The following SORCS1 variants were observed in gnomAD, a reference collection of about 807,000 sequenced individuals.
SORCS1 encodes the protein sortilin related VPS10 domain containing receptor 1.
A neutral mutation model predicts 146.1 loss-of-function variants in SORCS1; 60 were observed. The observed-to-expected ratio is 0.41, with a 90% confidence interval of 0.33 to 0.51. The LOEUF (loss-of-function observed/expected upper bound fraction) is 0.51. Among genes scored for constraint, SORCS1 ranks in the 20% least tolerant of loss-of-function variants. The pLI is 0.21. For missense variants in SORCS1, 1,352 were observed against 1,487.6 expected (o/e 0.91, Z 1.50); for synonymous variants, 637 against 584.0 (o/e 1.09, Z -1.31).
chr10:107,154,008 CTTTTTTT>C (rs71025579), intron 1 of SORCS1, among the ~76,000 whole-genome samples: 1 of 94,034 alleles, frequency 1.1e-5, no homozygotes, highest in African/African-American at 4.1e-5. Flanking sequence ...CTTTTCTTTT[CTTTTTTT>C]TTTTTTTTTT....
intron 10 of SORCS1, among the ~76,000 whole-genome samples, chr10:106,680,002 AC>A (rs1852317858): frequency 6.6e-6 from 1 of 152,218 alleles, no homozygotes; most frequent in Non-Finnish European, 1.5e-5. Context: ...TACAGAGCTT[AC>A]AATTTATATA....
At chr10:106,692,426 A>G (rs948341118) in intron 9 of SORCS1, among the ~76,000 whole-genome samples, 3 of 152,230 alleles carry the variant, frequency 2.0e-5, no homozygotes, top group Admixed American at 2.0e-4. Context: ...TACAACACCC[A>G]AGCCTCTGGT....
At chr10:106,959,655 G>T (rs1254524807) in intron 1 of SORCS1, among the ~76,000 whole-genome samples, 1 of 152,102 alleles carries the variant, frequency 6.6e-6, no homozygotes, top group Non-Finnish European at 1.5e-5. Flanking sequence ...ACTCAAAATG[G>T]GGCAAAATGA....
rs1554908001 is a variant in SORCS1, at chr10:106,994,086, A to AAAAAAAAAAAAAAAAAAAG, written c.559-37507_559-37506insCTTTTTTTTTTTTTTTTTT. Among the ~76,000 whole-genome samples, 14 of 134,996 alleles carry AAAAAAAAAAAAAAAAAAAG rather than the reference A, an allele frequency of 1.0e-4. 1 individual carries two copies. The highest frequency in any genetic ancestry group is 4.2e-4 in the African/African-American group (12 of 28,366). The allele number at this position is 134,996 out of a possible 152,430, so 88.6% of individuals were successfully genotyped here. A position where few individuals can be genotyped will look rare whatever the true frequency, so the allele number is the denominator to read the frequency against. On this transcript the variant is annotated intron_variant, in intron 1 of 25. Coordinates refer to ENST00000263054, the MANE Select transcript of SORCS1 (RefSeq NM_052918.5). ...CTCAAAAAAAAAAAAAAAAAAAAAA[A>AAAAAAAAAAAAAAAAAAAG]AGAAAATGAGAAGCAAACAAATTCA...
intron 1 of SORCS1, among the ~76,000 whole-genome samples, chr10:107,074,649 T>G (rs1313984997): frequency 2.0e-5 from 3 of 152,216 alleles, no homozygotes; most frequent in Non-Finnish European, 4.4e-5. Context: ...TGTACTATTT[T>G]CCATTCCTAA....
intron 5 of SORCS1, among the ~76,000 whole-genome samples, chr10:106,742,755 C>T (rs1054153837): frequency 2.0e-5 from 3 of 152,106 alleles, no homozygotes; most frequent in South Asian, 2.1e-4. Context: ...ACCCATGGCA[C>T]GAAGTATGGT....
At chr10:106,964,086 G>C (rs903967623) in intron 1 of SORCS1, among the ~76,000 whole-genome samples, 4 of 152,200 alleles carry the variant, frequency 2.6e-5, no homozygotes, top group East Asian at 1.9e-4. Flanking sequence ...GTACTGCAAG[G>C]AAAGGAACTG....
chr10:106,725,027 C>G (rs2135966891), intron 6 of SORCS1, among the ~76,000 whole-genome samples: 1 of 152,204 alleles, frequency 6.6e-6, no homozygotes, highest in African/African-American at 2.4e-5. Context: ...GTAATCCTAG[C>G]TACTGGGGAG....
chr10:106,613,948 C>T (rs1231319615), intron 21 of SORCS1, among the ~76,000 whole-genome samples: 1 of 152,124 alleles, frequency 6.6e-6, no homozygotes, highest in Non-Finnish European at 1.5e-5. Flanking sequence ...CCCGAGAGGC[C>T]TTTCCAACCA....
At chr10:106,970,905 A>AT (rs34657393) in intron 1 of SORCS1, among the ~76,000 whole-genome samples, 18,813 of 96,370 alleles carry the variant, frequency 0.2, 2,071 homozygotes, top group Non-Finnish European at 0.26. Context: ...TGCACAGCTA[A>AT]TTTTTTTTTT....
chr10:106,719,810 T>C (rs1855655053), intron 6 of SORCS1, among the ~76,000 whole-genome samples: 1 of 152,218 alleles, frequency 6.6e-6, no homozygotes, highest in African/African-American at 2.4e-5. Flanking sequence ...GCACAGTCCT[T>C]GTCTCAGATA....
chr10:106,621,380 T>C (rs1847733459), intron 19 of SORCS1, among the ~76,000 whole-genome samples: 1 of 151,898 alleles, frequency 6.6e-6, no homozygotes, highest in Non-Finnish European at 1.5e-5. Context: ...CCCATCTTTG[T>C]CCCATGAGGT....
intron 6 of SORCS1, among the ~76,000 whole-genome samples, chr10:106,717,953 G>C (rs1855497570): frequency 6.6e-6 from 1 of 152,262 alleles, no homozygotes; most frequent in Admixed American, 6.5e-5. Flanking sequence ...CTGTGGACTT[G>C]TTATTCTTTC....
intron 1 of SORCS1, among the ~76,000 whole-genome samples, chr10:107,122,442 G>T (rs183441021): frequency 1.6e-4 from 25 of 152,292 alleles, no homozygotes; most frequent in Admixed American, 1.6e-3. Flanking sequence ...ACCAGGAAAG[G>T]TAAGGAAGAA....
rs35691571 is a variant in SORCS1 at position 106,751,058 on chromosome 10, C to CAAAAAAAAAA, written c.959+10520_959+10529dup. Among the ~76,000 whole-genome samples the CAAAAAAAAAA allele has an allele frequency of 6.4e-3, 144 of 22,434 alleles. 40 individuals carry two copies. The highest frequency in any genetic ancestry group is 0.011 in the African/African-American group (88 of 7,874). The allele number at this position is 22,434 out of a possible 152,430, so 14.7% of individuals were successfully genotyped here. A position where few individuals can be genotyped will look rare whatever the true frequency, so the allele number is the denominator to read the frequency against. The stretch of plus-strand genomic sequence containing the variant: ...TGGGCGACAGGGTGAGACTCCGTCT[C>CAAAAAAAAAA]AAAAAAAAAAAAAAAAAAAAAAAAA... On this transcript the variant is annotated intron_variant, in intron 5 of 25. Transcript: ENST00000263054.
intron 1 of SORCS1, among the ~76,000 whole-genome samples, chr10:106,990,273 C>A (rs1335748969): frequency 1.3e-5 from 2 of 151,974 alleles, no homozygotes; most frequent in African/African-American, 4.8e-5. Flanking sequence ...ACTGCTATTT[C>A]AAATTTTTCT....
intron 2 of SORCS1, among the ~76,000 whole-genome samples, chr10:106,899,017 C>T (rs992647928): frequency 1.1e-4 from 17 of 152,156 alleles, no homozygotes; most frequent in African/African-American, 3.1e-4. Context: ...TAGTGGTTTA[C>T]CAGGTGGATT....
At chr10:106,826,596 C>T (rs991761452) in intron 3 of SORCS1, among the ~76,000 whole-genome samples, 1 of 152,184 alleles carries the variant, frequency 6.6e-6, no homozygotes, top group Admixed American at 6.5e-5. Flanking sequence ...GTACATATTT[C>T]ATGGTGATAA....
chr10:106,706,032 T>C (rs1432768570), intron 8 of SORCS1, among the ~76,000 whole-genome samples: 1 of 152,154 alleles, frequency 6.6e-6, no homozygotes, highest in Non-Finnish European at 1.5e-5. Flanking sequence ...GGGACAGAAA[T>C]GGACGGCAGC....
Sources: allele counts gnomAD v4.1 joint callset (sites outside exome capture counted in the v4.1 genomes callset), GRCh38; gene constraint gnomAD v4.1.1; transcripts MANE v1.5; gene names NCBI Gene and HGNC (gene_info 2026-07-23, HGNC 2026-07-21).